The following UBE2F variants were observed in gnomAD, a reference collection of about 807,000 sequenced individuals.
The protein encoded by UBE2F is ubiquitin conjugating enzyme E2 F (putative).
In UBE2F, 5 loss-of-function variants were observed where a neutral mutation model predicts 29.6. The ratio of observed to expected loss-of-function variants is 0.17; its 90% CI spans 0.09 to 0.36. The LOEUF (loss-of-function observed/expected upper bound fraction) is 0.36, where lower values mean the gene tolerates loss of function less well. Ranked by LOEUF, UBE2F falls within the 10% of genes least tolerant of loss-of-function variation. The pLI is 1.00. For missense variants in UBE2F, 141 were observed against 228.5 expected (o/e 0.62, Z 2.47); for synonymous variants, 66 against 81.8 (o/e 0.81, Z 1.04).
At chr2:238,015,012 G>C (rs914812831) in intron 4 of UBE2F, among the ~76,000 whole-genome samples, 1 of 152,176 alleles carries the variant, frequency 6.6e-6, no homozygotes, top group Non-Finnish European at 1.5e-5. Context: ...CCGTTGGGGT[G>C]ATTAAGCAAC....
chr2:238,037,870 A>G (rs2064752424), intron 9 of UBE2F, among the ~76,000 whole-genome samples: 1 of 152,130 alleles, frequency 6.6e-6, no homozygotes, highest in Non-Finnish European at 1.5e-5. Context: ...TAGCCTCCCA[A>G]AGTGATTACT....
intron 9 of UBE2F, among the ~76,000 whole-genome samples, chr2:238,037,668 C>T (rs2064744996): frequency 6.6e-6 from 1 of 152,144 alleles, no homozygotes; most frequent in Admixed American, 6.5e-5. Flanking sequence ...TGCAGTGGTG[C>T]AGTCTTGGCT....
chr2:238,035,844 C>A, intron 8 of UBE2F, 34 bp from the exon 9 acceptor site: 1 of 1,567,170 alleles, frequency 6.4e-7, no homozygotes, highest in Non-Finnish European at 8.8e-7. Flanking sequence ...AAGCAGTTCT[C>A]CCAATGTTTA....
intron 3 of UBE2F, 38 bp from the exon 4 acceptor site, chr2:237,994,706 C>T (rs1471729984): frequency 6.4e-7 from 1 of 1,566,870 alleles, no homozygotes; most frequent in South Asian, 1.1e-5. Context: ...GACTGCTGCT[C>T]ACTGCCAGAC....
At position 237,997,458 on chromosome 2, in the gene UBE2F, G is replaced by A. The variant is rs1026997324; in HGVS notation, c.214+2649G>A. Among the ~76,000 whole-genome samples the A allele has an allele frequency of 5.3e-5, 8 of 152,198 alleles. No individual in the cohort carries two copies. The East Asian group carries it at 5.8e-4, about 11-fold the overall frequency. On this transcript the variant is annotated intron_variant, in intron 4 of 9. Transcript: ENST00000272930. The stretch of plus-strand genomic sequence containing the variant: ...GAAGTGTGGCCGAGATATGCCAACC[G>A]GAAAAACTTGCTTCATATCATGGTT...
intron 2 of UBE2F, 110 bp from the exon 3 acceptor site, chr2:237,987,853 T>A (rs72981250): frequency 0.38 from 45,716 of 120,308 alleles, 696 homozygotes; most frequent in Admixed American, 0.41. Context: ...CAGTTCATCC[T>A]TTTTTTTTTT....
chr2:238,002,237 T>TG (rs57143535), intron 4 of UBE2F, among the ~76,000 whole-genome samples: 127,232 of 151,862 alleles, frequency 0.84, 53,415 homozygotes, highest in East Asian at 0.97. Flanking sequence ...GATAATTTTT[T>TG]TTTTTTCCTC....
At chr2:237,996,035 C>T (rs897930184) in intron 4 of UBE2F, among the ~76,000 whole-genome samples, 2 of 152,120 alleles carry the variant, frequency 1.3e-5, no homozygotes, top group African/African-American at 4.8e-5. Flanking sequence ...TAGTGAAGGG[C>T]TTTAAACTGT....
intron 2 of UBE2F, among the ~76,000 whole-genome samples, 197 bp from the exon 3 acceptor site, chr2:237,987,766 T>C (rs142390644): frequency 6.6e-6 from 1 of 152,310 alleles, no homozygotes; most frequent in East Asian, 1.9e-4. Flanking sequence ...ACTGAATTTG[T>C]TGGCATTCTG....
chr2:237,968,628 C>T (rs1576582141), intron 1 of UBE2F, among the ~76,000 whole-genome samples: 1 of 152,200 alleles, frequency 6.6e-6, no homozygotes, highest in East Asian at 1.9e-4. Flanking sequence ...CCATTGCTTG[C>T]AGGGATGCTG....
intron 6 of UBE2F, among the ~76,000 whole-genome samples, chr2:238,028,203 C>T (rs1246799858): frequency 6.6e-6 from 1 of 152,250 alleles, no homozygotes; most frequent in African/African-American, 2.4e-5. Flanking sequence ...GTGGCCACCA[C>T]ATGCTGGGGC....
At chr2:238,012,820 G>C (rs1210870162) in intron 4 of UBE2F, among the ~76,000 whole-genome samples, 1 of 152,172 alleles carries the variant, frequency 6.6e-6, no homozygotes, top group Non-Finnish European at 1.5e-5. Flanking sequence ...TCTTTTGTTG[G>C]CTCTCAAAGG....
At chr2:238,026,796 G>A (rs925507254) in intron 6 of UBE2F, among the ~76,000 whole-genome samples, 1 of 152,104 alleles carries the variant, frequency 6.6e-6, no homozygotes, top group African/African-American at 2.4e-5. Context: ...TGTATATACT[G>A]CTCCTTCTTC....
Position 238,042,393 on chromosome 2 carries a change from G to A in UBE2F, c.*1055G>A, listed in dbSNP as rs1197008079. ...GACTGTACCTGTGGCCTTCTTCTGA[G>A]TTTGCTATGGCTCCAGGCCCTGCCG... On this transcript the variant is annotated 3_prime_UTR_variant, in exon 10 of 10. Transcript: ENST00000272930. 1.3e-5 allele frequency: 2 copies of A among 152,274 alleles called. No individual in the cohort carries two copies. Among genetic ancestry groups the A allele is most frequent in the Non-Finnish European group, 2.9e-5 (2 of 68,080 alleles). 9.4% of individuals were successfully genotyped at this position (152,274 alleles called of 1,614,324 possible).
intron 8 of UBE2F, 102 bp from the exon 9 acceptor site, chr2:238,035,776 C>A: frequency 2.2e-6 from 2 of 902,006 alleles, no homozygotes; most frequent in Non-Finnish European, 3.5e-6. Flanking sequence ...GTTTGGTCTG[C>A]CATTTGCTAA....
At chr2:238,008,548 T>G (rs1334614583) in intron 4 of UBE2F, among the ~76,000 whole-genome samples, 1 of 152,224 alleles carries the variant, frequency 6.6e-6, no homozygotes, top group Non-Finnish European at 1.5e-5. Context: ...TTGTAATTTT[T>G]GTCTTTTTCT....
In UBE2F at chr2:237,967,040, G is replaced by T; in HGVS notation, c.-109G>T. On this transcript the variant is annotated 5_prime_UTR_variant, in exon 1 of 10. Transcript: ENST00000272930. The surrounding 1 kb of genome is among the most constrained non-coding windows in gnomAD (Gnocchi z 6.3). ...CTTCCGGTCCCGCCGCCGGGAGCCG[G>T]TGCGGCTGTGAGGGGCCGCGTCTCG... 7.7e-7 allele frequency: 1 copy of T among 1,298,598 alleles called. No homozygotes were observed. The highest frequency in any genetic ancestry group is 2.1e-5 in the South Asian group (1 of 48,304). The allele number at this position is 1,298,598 out of a possible 1,614,324, so 80.4% of individuals were successfully genotyped here.
At position 238,030,601 on chromosome 2, in the gene UBE2F, A is replaced by G. The variant is rs766020828; in HGVS notation, c.399A>G (p.Thr133=). 4 of 1,613,294 alleles carry G rather than the reference A, an allele frequency of 2.5e-6. No homozygotes were observed. In the South Asian group the frequency reaches 4.4e-5, roughly 18 times the overall value. The change falls in exon 7 of 10, where the codon ACA becomes ACG. Residue 133 remains threonine (T), a synonymous_variant. Coordinates refer to ENST00000272930, the MANE Select transcript of UBE2F (RefSeq NM_080678.3). ...TTGATGGCACTGGCTGGGCTCCCACAAGAACATTAAAGGTAGAGTCTGTGC... is the reference window on the plus strand; with the variant it reads ...TTGATGGCACTGGCTGGGCTCCCACGAGAACATTAAAGGTAGAGTCTGTGC... ...HSIDGTGWAP[T]RTLKDVVWGL... is the part of the protein sequence containing the mutation.
chr2:238,034,468 C>G (rs191321209), intron 8 of UBE2F, among the ~76,000 whole-genome samples: 8 of 152,146 alleles, frequency 5.3e-5, no homozygotes, highest in African/African-American at 1.9e-4. Context: ...GCTACAGCCA[C>G]ACTAGCTCCC....
Sources: gnomAD v4.1 joint callset for allele counts (sites outside exome capture counted in the v4.1 genomes callset) on GRCh38, gnomAD v4.1.1 for gene constraint, Gnocchi (gnomAD v3.1) non-coding constraint, MANE v1.5 for transcripts, NCBI Gene and HGNC (gene_info 2026-07-23, HGNC 2026-07-21) for gene names.